Variants in CGGBP1 observed in about 807,000 individuals in gnomAD.
CGGBP1 encodes CGG triplet repeat binding protein 1.
CGGBP1 carries 4 observed loss-of-function variants against 11.4 expected under a neutral mutation model. The observed-to-expected ratio is 0.35, with a 90% CI of 0.17 to 0.80. The LOEUF (loss-of-function observed/expected upper bound fraction) is 0.80. CGGBP1 is among the 30% of genes least tolerant of loss of function. CGGBP1 has a pLI of 0.52. For missense variants in CGGBP1, 135 were observed against 202.1 expected (o/e 0.67, Z 2.01); for synonymous variants, 76 against 74.1 (o/e 1.03, Z -0.13).
intron 2 of CGGBP1, among the ~76,000 whole-genome samples, chr3:88,100,711 A>T (rs1704363569): frequency 1.3e-5 from 2 of 152,200 alleles, no homozygotes. Context: ...TCACAAGGAA[A>T]GAAAACCAAA....
chr3:88,065,329 G>A (rs1707133641), intron 2 of CGGBP1, among the ~76,000 whole-genome samples: 1 of 152,014 alleles, frequency 6.6e-6, no homozygotes, highest in Admixed American at 6.6e-5. Context: ...TTTCAGAGTT[G>A]AGTTGAACTG....
intron 2 of CGGBP1, among the ~76,000 whole-genome samples, chr3:88,110,115 T>TA (rs2107754936): frequency 6.6e-6 from 1 of 152,218 alleles, no homozygotes; most frequent in African/African-American, 2.4e-5. Flanking sequence ...AATCAGCAAA[T>TA]ACCTATGCAC....
At chr3:88,131,991 T>G (rs1706492764) in intron 2 of CGGBP1, among the ~76,000 whole-genome samples, 1 of 152,184 alleles carries the variant, frequency 6.6e-6, no homozygotes, top group African/African-American at 2.4e-5. Flanking sequence ...GCTAAGCCCC[T>G]TTCTCCTTCA....
chr3:88,133,550 A>G lies in CGGBP1; in HGVS notation c.-229+7420T>C, dbSNP rs148834661. ...AAGAGATACTTGATAGGGCCTTTGA[A>G]AGATAAGTTCATCTTAGGAATGAAG... On this transcript the variant is annotated intron_variant, in intron 2 of 3. Transcript: ENST00000462901. 2.5e-3 allele frequency among the ~76,000 whole-genome samples: 374 copies of G among 152,158 alleles called. 3 individuals carry two copies. Among genetic ancestry groups the G allele is most frequent in the African/African-American group, 8.2e-3 (342 of 41,518 alleles).
intron 2 of CGGBP1, 123 bp from the exon 3 acceptor site, chr3:88,057,415 G>C (rs866739718): frequency 2.6e-5 from 4 of 151,354 alleles, no homozygotes; most frequent in Non-Finnish European, 4.4e-5. Flanking sequence ...CAACGGCAGA[G>C]AAGACAGTTA....
intron 1 of CGGBP1, among the ~76,000 whole-genome samples, chr3:88,148,027 G>T (rs540277665): frequency 6.6e-6 from 1 of 152,190 alleles, no homozygotes; most frequent in African/African-American, 2.4e-5. Context: ...TTGCTCAAAC[G>T]GGCTCCAGTC....
intron 2 of CGGBP1, chr3:88,129,594 T>G: frequency 3.9e-6 from 4 of 1,022,318 alleles, no homozygotes; most frequent in African/African-American, 3.2e-5. Context: ...ACTAGAAATC[T>G]AAGCAATTTC....
chr3:88,127,870 A>G (rs961020363), intron 2 of CGGBP1, among the ~76,000 whole-genome samples: 9 of 152,198 alleles, frequency 5.9e-5, no homozygotes, highest in African/African-American at 2.2e-4. Flanking sequence ...GAAAGACCAG[A>G]GTGAAGTTAT....
chr3:88,147,859 G>A (rs922046597), intron 1 of CGGBP1, among the ~76,000 whole-genome samples: 1 of 152,198 alleles, frequency 6.6e-6, no homozygotes, highest in Non-Finnish European at 1.5e-5. Flanking sequence ...GCACCCAGTG[G>A]GTAGAGGATG....
intron 2 of CGGBP1, among the ~76,000 whole-genome samples, chr3:88,074,069 A>G (rs376105719): frequency 2.6e-4 from 40 of 152,180 alleles, no homozygotes; most frequent in Middle Eastern, 3.2e-3. Flanking sequence ...AATGTCCACA[A>G]AAATAAGAAT....
At chr3:88,094,583 C>G (rs9310072) in intron 2 of CGGBP1, among the ~76,000 whole-genome samples, 4 of 151,924 alleles carry the variant, frequency 2.6e-5, no homozygotes, top group Non-Finnish European at 5.9e-5. Flanking sequence ...TGATAGTTCT[C>G]TTGGTCAGTG....
chr3:88,096,195 T>G (rs1360715282), intron 2 of CGGBP1, among the ~76,000 whole-genome samples: 3 of 151,972 alleles, frequency 2.0e-5, no homozygotes, highest in Non-Finnish European at 4.4e-5. Context: ...ATAGAATCAC[T>G]TTTAAAGGTG....
chr3:88,134,932 G>T, intron 2 of CGGBP1: 1 of 525,678 alleles, frequency 1.9e-6, no homozygotes, highest in Non-Finnish European at 3.0e-6. Context: ...GTAGTTTGGG[G>T]GTGAACGTAA....
chr3:88,132,843 A>T (rs1706546880), intron 2 of CGGBP1, among the ~76,000 whole-genome samples: 1 of 152,210 alleles, frequency 6.6e-6, no homozygotes, highest in Admixed American at 6.5e-5. Context: ...TACAGCTAGT[A>T]AGAAATGGAG....
At chr3:88,134,192 T>C (rs1173281714) in intron 2 of CGGBP1, among the ~76,000 whole-genome samples, 1 of 152,054 alleles carries the variant, frequency 6.6e-6, no homozygotes, top group Non-Finnish European at 1.5e-5. Context: ...ACTACTCATA[T>C]GTTGCTTGCT....
intron 2 of CGGBP1, among the ~76,000 whole-genome samples, chr3:88,067,182 G>C (rs374719235): frequency 6.6e-6 from 1 of 152,316 alleles, no homozygotes; most frequent in African/African-American, 2.4e-5. Context: ...CCAATTTTGT[G>C]TGCAGTTATA....
At chr3:88,141,762 T>TGGACCA (rs756841823) in intron 1 of CGGBP1, 58 of 807,550 alleles carry the variant, frequency 7.2e-5, no homozygotes, top group Non-Finnish European at 1.0e-4. Context: ...TTTAGAGTGG[T>TGGACCA]CTTGGATTAC....
chr3:88,129,792 C>G, intron 2 of CGGBP1: 1 of 1,525,530 alleles, frequency 6.6e-7, no homozygotes, highest in East Asian at 2.5e-5. Context: ...CTTTCTTATT[C>G]CACAGCTCCA....
intron 2 of CGGBP1, among the ~76,000 whole-genome samples, chr3:88,087,632 T>C (rs1411092375): frequency 6.6e-6 from 1 of 152,232 alleles, no homozygotes; most frequent in Non-Finnish European, 1.5e-5. Context: ...TCATCTGTTA[T>C]TTATTTATAC....
Sources: gnomAD v4.1 joint callset for allele counts (sites outside exome capture counted in the v4.1 genomes callset) on GRCh38, gnomAD v4.1.1 for gene constraint, MANE v1.5 for transcripts, NCBI Gene and HGNC (gene_info 2026-07-23, HGNC 2026-07-21) for gene names.